ARHGAP24: variants seen among roughly 807,000 people sequenced by gnomAD.
ARHGAP24 encodes the protein Rho GTPase activating protein 24, also known as rho GTPase-activating protein 24.
In ARHGAP24, 50 loss-of-function variants were observed where a neutral mutation model predicts 76.4. That is an observed-to-expected ratio of 0.65 (90% CI 0.52 to 0.83). The LOEUF is 0.83. Ranked by LOEUF, ARHGAP24 falls within the 40% of genes least tolerant of loss-of-function variation. ARHGAP24 has a pLI of 0.00. For missense variants in ARHGAP24, 930 were observed against 914.2 expected (o/e 1.02, Z -0.22); for synonymous variants, 345 against 323.3 (o/e 1.07, Z -0.72).
At chr4:85,888,226 C>T (rs1432599043) in intron 3 of ARHGAP24, among the ~76,000 whole-genome samples, 1 of 151,926 alleles carries the variant, frequency 6.6e-6, no homozygotes. Flanking sequence ...CATGGTGAAA[C>T]CCCATTTCTA....
At chr4:85,923,584 T>G (rs916874556) in intron 3 of ARHGAP24, 64 bp from the exon 4 acceptor site, 2 of 1,608,674 alleles carry the variant, frequency 1.2e-6, no homozygotes, top group Admixed American at 1.7e-5. Flanking sequence ...GGGGTTCTTC[T>G]GGAGGCTGAT....
At chr4:85,811,665 A>G (rs572320002) in intron 3 of ARHGAP24, among the ~76,000 whole-genome samples, 1 of 152,358 alleles carries the variant, frequency 6.6e-6, no homozygotes, top group Non-Finnish European at 1.5e-5. Context: ...AACTCAGAGT[A>G]ATTATTTATA....
chr4:85,493,589 G>A (rs368895881), intron 1 of ARHGAP24, among the ~76,000 whole-genome samples: 1 of 152,012 alleles, frequency 6.6e-6, no homozygotes, highest in African/African-American at 2.4e-5. Flanking sequence ...GTTGGCTCTT[G>A]TGCCCTTTCT....
intron 2 of ARHGAP24, among the ~76,000 whole-genome samples, chr4:85,623,620 C>A (rs1433054685): frequency 1.3e-5 from 2 of 151,764 alleles, no homozygotes; most frequent in Admixed American, 6.6e-5. Flanking sequence ...TTTTCCAATT[C>A]TGTGAAGAAA....
Position 85,518,954 on chromosome 4 carries a change from A to C in ARHGAP24, c.-21+43395A>C, listed in dbSNP as rs545887698. ...AAGGAATTTCCACACTATTTTCCAT[A>C]GCGGCAGTACTAGTTTACATTCCCA... On this transcript the variant is annotated intron_variant, in intron 1 of 9. Transcript: ENST00000395184. 2.6e-5 allele frequency among the ~76,000 whole-genome samples: 4 copies of C among 152,288 alleles called. No homozygotes were observed. In the South Asian group the frequency reaches 8.3e-4, roughly 32 times the overall value.
chr4:85,504,912 C>T (rs1368311940), intron 1 of ARHGAP24, among the ~76,000 whole-genome samples: 1 of 152,086 alleles, frequency 6.6e-6, no homozygotes, highest in African/African-American at 2.4e-5. Flanking sequence ...TAGGGCAGGC[C>T]TGGTGGTGAC....
At chr4:85,880,555 G>C (rs1733191902) in intron 3 of ARHGAP24, among the ~76,000 whole-genome samples, 1 of 151,570 alleles carries the variant, frequency 6.6e-6, no homozygotes, top group Non-Finnish European at 1.5e-5. Flanking sequence ...GTGTGACGGA[G>C]TCTCGCTCTG....
intron 3 of ARHGAP24, among the ~76,000 whole-genome samples, chr4:85,864,235 T>G (rs1732063036): frequency 6.6e-6 from 1 of 152,066 alleles, no homozygotes; most frequent in Non-Finnish European, 1.5e-5. Flanking sequence ...TGCTTTTCAT[T>G]AAAAAGAAAA....
At chr4:85,859,531 A>G (rs1226060596) in intron 3 of ARHGAP24, among the ~76,000 whole-genome samples, 1 of 152,132 alleles carries the variant, frequency 6.6e-6, no homozygotes, top group Non-Finnish European at 1.5e-5. Context: ...AACTTTGCAG[A>G]CAACTGTTGA....
intron 3 of ARHGAP24, among the ~76,000 whole-genome samples, chr4:85,780,974 T>G (rs1255123359): frequency 1.3e-5 from 2 of 152,242 alleles, no homozygotes; most frequent in African/African-American, 4.8e-5. Flanking sequence ...TACCTAATAT[T>G]AATCAAGCAC....
chr4:85,516,424 C>A (rs1406309928), intron 1 of ARHGAP24, among the ~76,000 whole-genome samples: 2 of 152,068 alleles, frequency 1.3e-5, no homozygotes, highest in Non-Finnish European at 2.9e-5. Context: ...ATCAATTAAC[C>A]TACAGTAAAA....
chr4:85,543,942 A>C (rs1468350858), intron 1 of ARHGAP24, among the ~76,000 whole-genome samples: 4 of 152,194 alleles, frequency 2.6e-5, no homozygotes, highest in Non-Finnish European at 5.9e-5. Context: ...TTAAATCATC[A>C]TCCTCCTTGT....
chr4:85,729,967 G>A (rs1484736842), intron 3 of ARHGAP24, among the ~76,000 whole-genome samples: 1 of 152,084 alleles, frequency 6.6e-6, no homozygotes, highest in Non-Finnish European at 1.5e-5. Flanking sequence ...ATCCCCACTG[G>A]TGCCACCAGA....
chr4:85,755,923 G>T (rs11724267), intron 3 of ARHGAP24, among the ~76,000 whole-genome samples: 8 of 151,912 alleles, frequency 5.3e-5, no homozygotes, highest in Non-Finnish European at 1.0e-4. Flanking sequence ...GTGAGCCACC[G>T]CGCTAGGCCT....
chr4:85,753,622 G>C (rs985767111), intron 3 of ARHGAP24, among the ~76,000 whole-genome samples: 4 of 152,172 alleles, frequency 2.6e-5, no homozygotes, highest in Non-Finnish European at 5.9e-5. Flanking sequence ...CTGGTTAATG[G>C]CTTCCTCAAA....
chr4:85,501,765 CT>C (rs1167501822), intron 1 of ARHGAP24, among the ~76,000 whole-genome samples: 1 of 152,058 alleles, frequency 6.6e-6, no homozygotes, highest in Non-Finnish European at 1.5e-5. Context: ...GTCACTACTG[CT>C]TTTTGTGTTT....
chr4:85,701,463 C>T (rs1240493893), intron 2 of ARHGAP24, among the ~76,000 whole-genome samples: 4 of 152,060 alleles, frequency 2.6e-5, no homozygotes, highest in Non-Finnish European at 1.5e-5. Context: ...TACCCAATAT[C>T]ATCTTGTTTT....
chr4:85,995,979 G>A (rs1740636612), intron 9 of ARHGAP24, among the ~76,000 whole-genome samples: 1 of 152,192 alleles, frequency 6.6e-6, no homozygotes, highest in Non-Finnish European at 1.5e-5. Flanking sequence ...TAGAGGGCTG[G>A]AAGGAGAGGG....
At chr4:85,960,703 T>A (rs1738192112) in intron 5 of ARHGAP24, among the ~76,000 whole-genome samples, 1 of 152,148 alleles carries the variant, frequency 6.6e-6, no homozygotes, top group Non-Finnish European at 1.5e-5. Context: ...GATTAGAATT[T>A]AGGAAACTTG....
Sources: gnomAD v4.1 joint callset for allele counts (sites outside exome capture counted in the v4.1 genomes callset) on GRCh38, gnomAD v4.1.1 for gene constraint, MANE v1.5 for transcripts, NCBI Gene and HGNC (gene_info 2026-07-23, HGNC 2026-07-21) for gene names.